Variants in ARHGEF40 observed in about 807,000 individuals in gnomAD.
ARHGEF40 encodes Rho guanine nucleotide exchange factor 40.
ARHGEF40 carries 98 observed loss-of-function variants against 165.9 expected under a neutral mutation model. The observed-to-expected ratio is 0.59, with a 90% CI of 0.50 to 0.70. The LOEUF (loss-of-function observed/expected upper bound fraction) is 0.70. Among genes scored for constraint, ARHGEF40 ranks in the 30% least tolerant of loss-of-function variants. The pLI, the probability that ARHGEF40 is intolerant of heterozygous loss-of-function variation, is 0.00. For missense variants in ARHGEF40, 1,815 were observed against 1,968.0 expected, an observed-to-expected ratio of 0.92 and a Z score of 1.47; for synonymous variants, 792 against 814.3, an observed-to-expected ratio of 0.97 and a Z score of 0.47.
chr14:21,088,522 A>T (rs1379227248), intron 22 of ARHGEF40, among the ~76,000 whole-genome samples: 1 of 151,134 alleles, frequency 6.6e-6, no homozygotes, highest in Non-Finnish European at 1.5e-5. Context: ...CTACAAAAAA[A>T]AAAAAATTAA....
At chr14:21,078,154 C>T (rs780773191) in intron 8 of ARHGEF40, 23 bp from the exon 9 acceptor site, 1 of 1,601,250 alleles carries the variant, frequency 6.2e-7, no homozygotes, top group African/African-American at 1.3e-5. Flanking sequence ...ATCCTCAACT[C>T]CATCCCTGCA....
At chr14:21,066,320 T>C (rs10151973), upstream of ARHGEF40, among the ~76,000 whole-genome samples, 96,424 of 143,086 alleles carry the variant, frequency 0.67, 31,521 homozygotes, top group Admixed American at 0.71. Context: ...GGTTGTGTTT[T>C]TTTTGTTTTT....
rs371153825 is a variant in ARHGEF40, at chr14:21,087,331, C to T, written c.4255C>T (p.Arg1419Trp). 41 of 1,606,160 alleles carry T rather than the reference C, an allele frequency of 2.6e-5. No individual in the cohort carries two copies. Among genetic ancestry groups the T allele is most frequent in the Non-Finnish European group, 3.0e-5 (35 of 1,179,264 alleles). Residue 1419 changes from arginine (R) to tryptophan (W), a missense_variant, in exon 21 of 24, where the codon CGG becomes TGG. Arg to Trp is a moderately radical substitution (Grantham distance 101). Coordinates refer to ENST00000298694, the MANE Select transcript of ARHGEF40 (RefSeq NM_018071.5). ...CCCACTCTCTGCAGCCGCCCGCACC[C>T]GGGCCTCCGTGGCCGTGTCATCCTT... ...ALLTGRAARTRASVAVSSFEH... is the reference protein window; with the variant it reads ...ALLTGRAARTWASVAVSSFEH...
upstream of ARHGEF40, among the ~76,000 whole-genome samples, chr14:21,067,059 C>G (rs1003406499): frequency 1.3e-5 from 2 of 152,182 alleles, no homozygotes; most frequent in African/African-American, 4.8e-5. Context: ...GTCACTGCTA[C>G]TCTCCCAGGG....
chr14:21,070,468 C>A lies in ARHGEF40; in HGVS notation c.3+69C>A. The A allele has an allele frequency of 7.4e-7, 1 of 1,354,992 alleles. No individual in the cohort carries two copies. The highest frequency in any genetic ancestry group is 3.0e-5 in the East Asian group (1 of 33,782). 83.9% of individuals were successfully genotyped at this position (1,354,992 alleles called of 1,614,324 possible). A position where few individuals can be genotyped will look rare whatever the true frequency, so the allele number is the denominator to read the frequency against. On this transcript the variant is annotated intron_variant, in intron 1 of 23. Transcript: ENST00000298694. The surrounding 1 kb of genome is among the most constrained non-coding windows in gnomAD (Gnocchi z 4.7). ...GCAGCCCGCTCCGGGCCCCCAAGTC[C>A]TCAGCCTGGTGCCTCCCGAGCCTGC...
At position 21,073,776 on chromosome 14, in the gene ARHGEF40, C is replaced by T. The variant is rs1365895550; in HGVS notation, c.202-156C>T. Among the ~76,000 whole-genome samples the T allele has an allele frequency of 2.0e-5, 3 of 152,188 alleles. No individual in the cohort carries two copies. Among genetic ancestry groups the T allele is most frequent in the African/African-American group, 7.2e-5 (3 of 41,432 alleles). ...ATCAGTCCCAATCCCTTCCTCTCTGCCACCTGAATACCCCAAATCTCCCCT... is the reference window on the plus strand; with the variant it reads ...ATCAGTCCCAATCCCTTCCTCTCTGTCACCTGAATACCCCAAATCTCCCCT... On this transcript the variant is annotated intron_variant, in intron 2 of 23. Transcript: ENST00000298694. The surrounding 1 kb of genome is among the most constrained non-coding windows in gnomAD (Gnocchi z 4.6).
At chr14:21,066,071 C>T (rs1886246362), upstream of ARHGEF40, among the ~76,000 whole-genome samples, 1 of 152,128 alleles carries the variant, frequency 6.6e-6, no homozygotes, top group Non-Finnish European at 1.5e-5. Context: ...TGCACTCCAG[C>T]CTGGGCGACA....
Position 21,072,969 on chromosome 14 carries a change from C to T in ARHGEF40, c.4-76C>T, listed in dbSNP as rs1887096602. The T allele has an allele frequency of 2.7e-6, 4 of 1,473,390 alleles. No homozygotes were observed. Among genetic ancestry groups the T allele is most frequent in the Non-Finnish European group, 3.7e-6 (4 of 1,074,690 alleles). 91.3% of individuals were successfully genotyped at this position (1,473,390 alleles called of 1,614,324 possible). A position where few individuals can be genotyped will look rare whatever the true frequency, so the allele number is the denominator to read the frequency against. On this transcript the variant is annotated intron_variant, in intron 1 of 23. Coordinates refer to ENST00000298694, the MANE Select transcript of ARHGEF40 (RefSeq NM_018071.5). This position sits in a 1 kb window ranked among gnomAD's most constrained non-coding sequence, Gnocchi z 4.1. ...CGGGGCTTTGGAGAACACAGCCAAC[C>T]CCAGACCAGTGCAGCTCCCAAGGAG...
chr14:21,088,000 T>C lies in ARHGEF40; in HGVS notation c.4420T>C (p.Ser1474Pro). The stretch of plus-strand genomic sequence containing the variant: ...AACACTTGACTCTTCTGGAGATGTG[T>C]CCCCAGGACCAAGAAACAGCCCCAG... ...PETLDSSGDVSPGPRNSPSLQ... is the reference protein window; with the variant it reads ...PETLDSSGDVPPGPRNSPSLQ... Residue 1474 changes from serine to proline, a missense_variant, in exon 22 of 24, where the codon TCC becomes CCC. Physicochemically the swap from Ser to Pro is moderately conservative, Grantham distance 74. Coordinates refer to ENST00000298694, the MANE Select transcript of ARHGEF40 (RefSeq NM_018071.5). 6.2e-7 allele frequency: 1 copy of C among 1,614,040 alleles called. No homozygotes were observed. Among genetic ancestry groups the C allele is most frequent in the African/African-American group, 1.3e-5 (1 of 74,978 alleles).
chr14:21,067,759 C>T (rs984966059), upstream of ARHGEF40, among the ~76,000 whole-genome samples: 2 of 80,040 alleles, frequency 2.5e-5, no homozygotes, highest in African/African-American at 1.1e-4. Context: ...TGTGTACACA[C>T]GTACACACAC....
In ARHGEF40 at chr14:21,070,542, T is replaced by A; in HGVS notation, c.3+143T>A. The A allele has an allele frequency of 9.5e-7, 1 of 1,056,082 alleles. No individual in the cohort carries two copies. The highest frequency in any genetic ancestry group is 1.3e-6 in the Non-Finnish European group (1 of 772,410). The allele number at this position is 1,056,082 out of a possible 1,614,324, so 65.4% of individuals were successfully genotyped here. On this transcript the variant is annotated intron_variant, in intron 1 of 23. Transcript: ENST00000298694. The surrounding 1 kb of genome is among the most constrained non-coding windows in gnomAD (Gnocchi z 4.7). Reference sequence around the variant, plus strand: ...GACTCTCCTCCCTCCCATCCCCCCTTCTTCGATTTGTCTGTCTGCCCGACT... The same window carrying A: ...GACTCTCCTCCCTCCCATCCCCCCTACTTCGATTTGTCTGTCTGCCCGACT...
At chr14:21,071,573 T>G (rs1017938869) in intron 1 of ARHGEF40, among the ~76,000 whole-genome samples, 1 of 152,184 alleles carries the variant, frequency 6.6e-6, no homozygotes, top group Non-Finnish European at 1.5e-5. Context: ...AGGCTGGGTC[T>G]CCGTGCTCCC....
rs755946062 is a variant in ARHGEF40 at position 21,076,375 on chromosome 14, A to G, written c.1755A>G (p.Thr585=). The change falls in exon 6 of 24, where the codon ACA becomes ACG. Residue 585 remains threonine (T), a synonymous_variant. Transcript: ENST00000298694. ...GCTCCCGCAGGCCTGATCTACAGAC[A>G]CTGGGGCTGTCCGTCCTGCTGGACC... The part of the protein sequence containing the change: ...LHSLLRPDLQ[T]LGLSVLLDLR... 12 of 1,613,394 alleles carry G rather than the reference A, an allele frequency of 7.4e-6. No homozygotes were observed. Among genetic ancestry groups the G allele is most frequent in the Non-Finnish European group, 3.4e-6 (4 of 1,180,004 alleles).
At chr14:21,064,317 T>A in the ARHGEF40 span, among the ~76,000 whole-genome samples, 442 of 152,288 alleles carry the variant, frequency 2.9e-3, 1 homozygote, top group African/African-American at 0.01. Flanking sequence ...TTTTATTATT[T>A]TTGAGACAGA....
In ARHGEF40 at chr14:21,075,903, A is replaced by C; in HGVS notation, c.1739+138A>C. The C allele has an allele frequency of 1.8e-6, 2 of 1,140,632 alleles. No individual in the cohort carries two copies. Among genetic ancestry groups the C allele is most frequent in the Non-Finnish European group, 2.4e-6 (2 of 824,218 alleles). The allele number at this position is 1,140,632 out of a possible 1,614,324, so 70.7% of individuals were successfully genotyped here. Reference sequence around the variant, plus strand: ...TCAACCTTCAGACTTCAAGCCATTGACCTTTGGCCTTACTTACCCTGACCT... The same window carrying C: ...TCAACCTTCAGACTTCAAGCCATTGCCCTTTGGCCTTACTTACCCTGACCT... On this transcript the variant is annotated intron_variant, in intron 5 of 23. Coordinates refer to ENST00000298694, the MANE Select transcript of ARHGEF40 (RefSeq NM_018071.5). This position sits in a 1 kb window ranked among gnomAD's most constrained non-coding sequence, Gnocchi z 4.5.
chr14:21,078,283 A>C lies in ARHGEF40; in HGVS notation c.2130+11A>C, dbSNP rs201699087. ...GAGCCAGAGGAAGAGGTATGAAATGAGATGGGACAGTGGGGGGATGGGATT... is the reference window on the plus strand; with the variant it reads ...GAGCCAGAGGAAGAGGTATGAAATGCGATGGGACAGTGGGGGGATGGGATT... On this transcript the variant is annotated intron_variant, in intron 9 of 23. Transcript: ENST00000298694. The C allele has an allele frequency of 2.4e-5, 39 of 1,612,916 alleles. No homozygotes were observed. The Middle Eastern group carries it at 1.2e-3, about 48-fold the overall frequency.
chr14:21,078,631 TAACC>T (rs1887627244), intron 10 of ARHGEF40, 143 bp downstream of exon 10: 1 of 945,278 alleles, frequency 1.1e-6, no homozygotes, highest in East Asian at 2.7e-5. Context: ...TACTGTCTCA[TAACC>T]CTCACAACAT....
Position 21,070,902 on chromosome 14 carries a change from T to A in ARHGEF40, c.3+503T>A. On this transcript the variant is annotated intron_variant, in intron 1 of 23. Transcript: ENST00000298694. This position sits in a 1 kb window ranked among gnomAD's most constrained non-coding sequence, Gnocchi z 4.7. Reference sequence around the variant, plus strand: ...GCCCACCCATCCGGCCCTAGGGGACTGGCCACAGCTGTGGCTGGGCCGGGT... The same window carrying A: ...GCCCACCCATCCGGCCCTAGGGGACAGGCCACAGCTGTGGCTGGGCCGGGT... The A allele has an allele frequency of 2.0e-6, 3 of 1,526,666 alleles. No homozygotes were observed. Among genetic ancestry groups the A allele is most frequent in the Non-Finnish European group, 2.6e-6 (3 of 1,139,052 alleles). 94.6% of individuals were successfully genotyped at this position (1,526,666 alleles called of 1,614,324 possible).
chr14:21,063,982 C>T, the ARHGEF40 span, among the ~76,000 whole-genome samples: 2 of 152,184 alleles, frequency 1.3e-5, no homozygotes, highest in Non-Finnish European at 2.9e-5. Context: ...TGATGCCCTA[C>T]CGCTTTGAGC....
Sources: allele counts gnomAD v4.1 joint callset (sites outside exome capture counted in the v4.1 genomes callset), GRCh38; gene constraint gnomAD v4.1.1; non-coding constraint Gnocchi (gnomAD v3.1); transcripts MANE v1.5; gene names NCBI Gene and HGNC (gene_info 2026-07-23, HGNC 2026-07-21).